ANGPT1: variants seen among roughly 807,000 people sequenced by gnomAD.
The protein encoded by ANGPT1 is angiopoietin-1.
Under a neutral mutation model 62.2 loss-of-function variants are expected in ANGPT1, and 17 were observed. The observed-to-expected ratio is 0.27, with a 90% CI of 0.19 to 0.41. The LOEUF (loss-of-function observed/expected upper bound fraction) is 0.41. Ranked by LOEUF, ANGPT1 falls within the 10% of genes least tolerant of loss-of-function variation. The pLI is 1.00. For missense variants in ANGPT1, 478 were observed against 594.9 expected (o/e 0.80, Z 2.04); for synonymous variants, 199 against 198.9 (o/e 1.00, Z 0.00).
intron 4 of ANGPT1, among the ~76,000 whole-genome samples, chr8:107,312,063 CAAAAAAAAA>C (rs927603600): frequency 1.4e-5 from 1 of 71,062 alleles, no homozygotes; most frequent in African/African-American, 5.0e-5. Flanking sequence ...GACTCCGTTT[CAAAAAAAAA>C]AAAAAAAAAA....
chr8:107,373,330 T>G (rs778020446), intron 1 of ANGPT1, among the ~76,000 whole-genome samples: 1 of 151,946 alleles, frequency 6.6e-6, no homozygotes, highest in Non-Finnish European at 1.5e-5. Flanking sequence ...AACATACAAA[T>G]TTTGAAGGAA....
At chr8:107,356,282 T>C (rs1440946699) in intron 1 of ANGPT1, among the ~76,000 whole-genome samples, 1 of 152,174 alleles carries the variant, frequency 6.6e-6, no homozygotes, top group Non-Finnish European at 1.5e-5. Context: ...ATGAAACACA[T>C]TGAAAACTAA....
At chr8:107,368,505 C>A (rs550968406) in intron 1 of ANGPT1, among the ~76,000 whole-genome samples, 1 of 10,370 alleles carries the variant, frequency 9.6e-5, no homozygotes, top group African/African-American at 1.6e-4. Context: ...TAAGTATATT[C>A]CTTATACTTA....
intron 7 of ANGPT1, among the ~76,000 whole-genome samples, chr8:107,283,160 T>G (rs1006546322): frequency 6.6e-6 from 1 of 152,236 alleles, no homozygotes; most frequent in Non-Finnish European, 1.5e-5. Context: ...AAGTTTCATA[T>G]AGTTTCAAGT....
Position 107,418,661 on chromosome 8 carries a change from ATG to A in ANGPT1, c.298-71566_298-71565del, listed in dbSNP as rs201378481. 1.1e-4 allele frequency among the ~76,000 whole-genome samples: 17 copies of A among 152,328 alleles called. No individual in the cohort carries two copies. The East Asian group carries it at 3.3e-3, about 29-fold the overall frequency. ...AAAGAATAATGGCTTTTGAAGATAT[ATG>A]TAAGTAGCAGTTTATTTGTAAATGA... On this transcript the variant is annotated intron_variant, in intron 1 of 8. Transcript: ENST00000517746.
At chr8:107,293,213 T>TGAC (rs1348560616) in intron 6 of ANGPT1, among the ~76,000 whole-genome samples, 3 of 116,030 alleles carry the variant, frequency 2.6e-5, no homozygotes, top group Non-Finnish European at 3.9e-5. Flanking sequence ...ATGATGATGA[T>TGAC]GATGATGATG....
Position 107,370,396 on chromosome 8 carries a change from GAAA to G in ANGPT1, c.298-23302_298-23300del, listed in dbSNP as rs1563591145. Among the ~76,000 whole-genome samples the G allele has an allele frequency of 1.1e-3, 69 of 62,286 alleles. 14 individuals carry two copies. Among genetic ancestry groups the G allele is most frequent in the African/African-American group, 2.5e-3 (62 of 24,802 alleles). 40.9% of individuals were successfully genotyped at this position (62,286 alleles called of 152,430 possible). The stretch of plus-strand genomic sequence containing the variant: ...AGAAAGAAAGAAAGAAAGAAAGAAA[GAAA>G]GAAAGAAAGAGTCAGGGTCAGTGGC... On this transcript the variant is annotated intron_variant, in intron 1 of 8. Transcript: ENST00000517746.
intron 2 of ANGPT1, among the ~76,000 whole-genome samples, chr8:107,344,135 A>G (rs1228486309): frequency 1.3e-5 from 2 of 152,196 alleles, no homozygotes; most frequent in Non-Finnish European, 1.5e-5. Context: ...CATTATTATT[A>G]TTAAATAGCC....
chr8:107,364,306 C>T (rs879272980), intron 1 of ANGPT1, among the ~76,000 whole-genome samples: 3 of 151,920 alleles, frequency 2.0e-5, no homozygotes, highest in South Asian at 4.1e-4. Flanking sequence ...TTTGAGACAG[C>T]GCCTCACTCT....
intron 4 of ANGPT1, among the ~76,000 whole-genome samples, chr8:107,318,887 T>G (rs1177998192): frequency 6.6e-6 from 1 of 152,164 alleles, no homozygotes; most frequent in East Asian, 1.9e-4. Flanking sequence ...TGACAAAAGT[T>G]GTATATATTT....
intron 4 of ANGPT1, among the ~76,000 whole-genome samples, chr8:107,313,429 G>GGTT (rs1335026306): frequency 3.1e-5 from 2 of 64,182 alleles, no homozygotes; most frequent in African/African-American, 6.5e-5. Flanking sequence ...GTTACTAGTT[G>GGTT]TTTTTTTTTT....
At chr8:107,367,891 G>C (rs1328378114) in intron 1 of ANGPT1, among the ~76,000 whole-genome samples, 1 of 152,138 alleles carries the variant, frequency 6.6e-6, no homozygotes, top group African/African-American at 2.4e-5. Flanking sequence ...ATCTGCAGTT[G>C]CTTCCTCAAC....
chr8:107,381,187 G>T (rs909444429), intron 1 of ANGPT1, among the ~76,000 whole-genome samples: 14 of 152,168 alleles, frequency 9.2e-5, no homozygotes, highest in Admixed American at 8.5e-4. Flanking sequence ...AAATTTCAAT[G>T]AACTTTTTTA....
intron 5 of ANGPT1, among the ~76,000 whole-genome samples, chr8:107,299,990 G>GAT (rs1205123536): frequency 2.2e-5 from 3 of 134,706 alleles, no homozygotes; most frequent in African/African-American, 8.2e-5. Flanking sequence ...TAGATATCTA[G>GAT]ATATAACTAT....
chr8:107,374,716 G>A (rs1270636554), intron 1 of ANGPT1, among the ~76,000 whole-genome samples: 2 of 152,234 alleles, frequency 1.3e-5, no homozygotes, highest in African/African-American at 4.8e-5. Flanking sequence ...GGAGCACATG[G>A]CTATTGGCCA....
At chr8:107,450,417 C>A (rs1440167895) in intron 1 of ANGPT1, among the ~76,000 whole-genome samples, 1 of 151,828 alleles carries the variant, frequency 6.6e-6, no homozygotes, top group Non-Finnish European at 1.5e-5. Flanking sequence ...CTTGACGCAG[C>A]AATATAGATG....
At chr8:107,484,246 T>C (rs932171125) in intron 1 of ANGPT1, among the ~76,000 whole-genome samples, 2 of 152,218 alleles carry the variant, frequency 1.3e-5, no homozygotes, top group Non-Finnish European at 2.9e-5. Flanking sequence ...AAAGTAAATA[T>C]GTAAACTCTT....
intron 1 of ANGPT1, among the ~76,000 whole-genome samples, chr8:107,453,515 G>C (rs746668268): frequency 1.3e-5 from 2 of 151,962 alleles, no homozygotes; most frequent in Non-Finnish European, 2.9e-5. Context: ...ATCTGATCTC[G>C]TGAGCCTTAT....
chr8:107,277,977 C>A (rs553638982), intron 7 of ANGPT1, among the ~76,000 whole-genome samples: 1 of 151,590 alleles, frequency 6.6e-6, no homozygotes, highest in East Asian at 1.9e-4. Context: ...GTGGTGATTT[C>A]GATATAGAAT....
Sources: gnomAD v4.1 joint callset for allele counts (sites outside exome capture counted in the v4.1 genomes callset) on GRCh38, gnomAD v4.1.1 for gene constraint, MANE v1.5 for transcripts, NCBI Gene and HGNC (gene_info 2026-07-23, HGNC 2026-07-21) for gene names.